The following KIAA1328 variants were observed in gnomAD, a reference collection of about 807,000 sequenced individuals.
KIAA1328 encodes the protein protein hinderin.
KIAA1328 carries 52 observed loss-of-function variants against 68.1 expected under a neutral mutation model. That is an observed-to-expected ratio of 0.76 (90% confidence interval 0.61 to 0.96). KIAA1328 has a LOEUF of 0.96. Ranked by LOEUF, KIAA1328 falls within the 40% of genes least tolerant of loss-of-function variation. The probability of loss-of-function intolerance (pLI) is 0.00; values close to 1 mark genes in which losing one functional copy is unlikely to be tolerated. For missense variants in KIAA1328, 641 were observed against 677.6 expected (o/e 0.95, Z 0.60); for synonymous variants, 232 against 239.4 (o/e 0.97, Z 0.28).
At chr18:37,150,406 G>A (rs1385757200) in intron 7 of KIAA1328, among the ~76,000 whole-genome samples, 3 of 152,194 alleles carry the variant, frequency 2.0e-5, no homozygotes, top group Non-Finnish European at 2.9e-5. Context: ...TATGCCTTCT[G>A]TGTGGCAACA....
intron 5 of KIAA1328, among the ~76,000 whole-genome samples, chr18:36,927,117 T>C (rs555989426): frequency 3.9e-4 from 59 of 152,148 alleles, no homozygotes; most frequent in Non-Finnish European, 8.1e-4. Context: ...ACCTTCAACA[T>C]TGGGAATCAC....
At chr18:36,985,173 G>A (rs1021969444) in intron 6 of KIAA1328, among the ~76,000 whole-genome samples, 20 of 151,922 alleles carry the variant, frequency 1.3e-4, no homozygotes, top group Non-Finnish European at 1.0e-4. Flanking sequence ...AGACATGGTG[G>A]CCTTTGGTCC....
At chr18:37,084,182 T>G (rs776948853) in intron 7 of KIAA1328, 90 of 1,527,210 alleles carry the variant, frequency 5.9e-5, no homozygotes, top group Non-Finnish European at 7.2e-5. Flanking sequence ...AACAGCTTAC[T>G]AAACCCCAAG....
At chr18:37,171,015 A>G (rs1481046494) in intron 8 of KIAA1328, among the ~76,000 whole-genome samples, 1 of 152,214 alleles carries the variant, frequency 6.6e-6, no homozygotes, top group Non-Finnish European at 1.5e-5. Context: ...TCTAAGTACC[A>G]TGCAAATTTA....
chr18:37,128,004 GA>G (rs956192975), intron 7 of KIAA1328, among the ~76,000 whole-genome samples: 5 of 146,278 alleles, frequency 3.4e-5, no homozygotes, highest in Non-Finnish European at 6.0e-5. Flanking sequence ...TCAGTGGATT[GA>G]AAAAAAAAAG....
At chr18:37,082,846 G>A (rs1466063380) in intron 7 of KIAA1328, among the ~76,000 whole-genome samples, 1 of 152,114 alleles carries the variant, frequency 6.6e-6, no homozygotes, top group East Asian at 1.9e-4. Flanking sequence ...CATTTTTGGA[G>A]CAAAGTAGTG....
chr18:37,199,445 G>A (rs767702588), intron 9 of KIAA1328, among the ~76,000 whole-genome samples: 137 of 152,156 alleles, frequency 9.0e-4, no homozygotes, highest in Non-Finnish European at 1.6e-3. Flanking sequence ...TTTTATGGTT[G>A]CATAGTATTC....
intron 5 of KIAA1328, among the ~76,000 whole-genome samples, chr18:36,906,951 G>A (rs1160017656): frequency 2.0e-5 from 3 of 152,102 alleles, no homozygotes; most frequent in Admixed American, 6.6e-5. Context: ...ATTCATGAAT[G>A]TGGTACATCT....
intron 5 of KIAA1328, chr18:36,903,790 G>T (rs1295368462): frequency 6.6e-6 from 1 of 152,134 alleles, no homozygotes; most frequent in Non-Finnish European, 1.5e-5. Context: ...CTCCAGAGGT[G>T]TGCAAAGCTA....
intron 6 of KIAA1328, among the ~76,000 whole-genome samples, chr18:37,026,349 A>G (rs529163671): frequency 2.0e-5 from 3 of 152,140 alleles, no homozygotes; most frequent in African/African-American, 7.2e-5. Context: ...TAGAAAAAGA[A>G]GGAATCCTCC....
intron 9 of KIAA1328, among the ~76,000 whole-genome samples, chr18:37,203,898 C>T (rs550482881): frequency 1.3e-5 from 2 of 152,256 alleles, no homozygotes; most frequent in South Asian, 4.1e-4. Flanking sequence ...CAAGCTCCGC[C>T]TCCCGGGTTC....
intron 7 of KIAA1328, among the ~76,000 whole-genome samples, chr18:37,115,547 C>T (rs2058081357): frequency 6.6e-6 from 1 of 152,188 alleles, no homozygotes; most frequent in African/African-American, 2.4e-5. Context: ...GACAAACCCA[C>T]AGCCAATATC....
chr18:37,143,318 C>T (rs763994183), intron 7 of KIAA1328, among the ~76,000 whole-genome samples: 1 of 152,042 alleles, frequency 6.6e-6, no homozygotes, highest in African/African-American at 2.4e-5. Context: ...CAGTCTTACA[C>T]ATTTTTTGTG....
At chr18:36,891,629 AG>A (rs2048690379) in intron 5 of KIAA1328, among the ~76,000 whole-genome samples, 1 of 152,308 alleles carries the variant, frequency 6.6e-6, no homozygotes, top group Admixed American at 6.5e-5. Context: ...GTGGCAGCAA[AG>A]GTCATTATTC....
intron 7 of KIAA1328, among the ~76,000 whole-genome samples, chr18:37,127,603 G>C (rs934466264): frequency 2.0e-5 from 3 of 152,068 alleles, no homozygotes; most frequent in African/African-American, 7.2e-5. Flanking sequence ...TAAATGGAGA[G>C]CAATGCCGGG....
chr18:36,870,918 C>A (rs1364488121), intron 4 of KIAA1328, among the ~76,000 whole-genome samples: 1 of 152,174 alleles, frequency 6.6e-6, no homozygotes, highest in African/African-American at 2.4e-5. Context: ...TGTTAGAATG[C>A]CCAAGGGGCT....
At chr18:36,876,956 G>T (rs2048148181) in intron 4 of KIAA1328, among the ~76,000 whole-genome samples, 1 of 152,130 alleles carries the variant, frequency 6.6e-6, no homozygotes, top group South Asian at 2.1e-4. Flanking sequence ...TCAGAAGCAG[G>T]TTGTTTAGTT....
chr18:37,053,765 C>G (rs1387714755), intron 6 of KIAA1328, among the ~76,000 whole-genome samples: 1 of 152,032 alleles, frequency 6.6e-6, no homozygotes, highest in Admixed American at 6.5e-5. Flanking sequence ...ATGGGAGTAA[C>G]CACCCCCATG....
intron 4 of KIAA1328, among the ~76,000 whole-genome samples, chr18:36,872,412 A>T (rs2150934407): frequency 6.6e-6 from 1 of 152,254 alleles, no homozygotes; most frequent in Admixed American, 6.5e-5. Context: ...CATTAGATGG[A>T]CCCTCTAAGA....
Sources: gnomAD v4.1 joint callset for allele counts (sites outside exome capture counted in the v4.1 genomes callset) on GRCh38, gnomAD v4.1.1 for gene constraint, MANE v1.5 for transcripts, NCBI Gene and HGNC (gene_info 2026-07-23, HGNC 2026-07-21) for gene names.